KLHL13: variants seen among roughly 807,000 people sequenced by gnomAD.
KLHL13 encodes the protein kelch-like protein 13.
A neutral mutation model predicts 37.1 loss-of-function variants in KLHL13; 10 were observed. That is an observed-to-expected ratio of 0.27 (90% CI 0.17 to 0.46). The LOEUF is 0.46. Among genes scored for constraint, KLHL13 ranks in the 20% least tolerant of loss-of-function variants. The probability of loss-of-function intolerance (pLI) is 1.00; values close to 1 mark genes in which losing one functional copy is unlikely to be tolerated. For synonymous variants in KLHL13, 163 were observed against 181.2 expected (o/e 0.90, Z 0.81); for missense variants, 360 against 509.3 (o/e 0.71, Z 2.82).
At chrX:118,000,902 A>C (rs755685509) in intron 1 of KLHL13, among the ~76,000 whole-genome samples, 10 of 112,047 alleles carry the variant, frequency 8.9e-5, no homozygotes, top group African/African-American at 3.2e-4. Flanking sequence ...CCTTTCTAAA[A>C]TCCAAAAAGA....
At chrX:117,983,775 T>C (rs1389144727) in intron 1 of KLHL13, among the ~76,000 whole-genome samples, 1 of 111,891 alleles carries the variant, frequency 8.9e-6, no homozygotes, top group Non-Finnish European at 1.9e-5. Flanking sequence ...GCTTTCTTAA[T>C]GTCTCAGAAA....
chrX:118,060,990 CT>C (rs1413317343), intron 1 of KLHL13, among the ~76,000 whole-genome samples: 1 of 110,712 alleles, frequency 9.0e-6, no homozygotes, highest in Non-Finnish European at 1.9e-5. Flanking sequence ...GAATTAGAGT[CT>C]ACCATGAAAT....
chrX:118,105,436 T>C (rs1198254715), intron 1 of KLHL13, among the ~76,000 whole-genome samples: 2 of 112,739 alleles, frequency 1.8e-5, no homozygotes, highest in Non-Finnish European at 3.7e-5. Context: ...ATGCCTCAGT[T>C]TCCTCATCTG....
intron 2 of KLHL13, among the ~76,000 whole-genome samples, chrX:117,938,719 C>A (rs1932892522): frequency 9.0e-6 from 1 of 111,116 alleles, no homozygotes; most frequent in Non-Finnish European, 1.9e-5. Flanking sequence ...TGAGGTATTT[C>A]TTATTTTTCT....
intron 1 of KLHL13, among the ~76,000 whole-genome samples, chrX:118,039,817 G>A (rs1262283901): frequency 9.0e-6 from 1 of 111,519 alleles, no homozygotes; most frequent in Non-Finnish European, 1.9e-5. Context: ...GTGGGACCCA[G>A]TGCAGTCCCA....
rs763813610 is a variant in KLHL13, at chrX:117,963,144, T to C, written c.98+9587A>G. On this transcript the variant is annotated intron_variant, in intron 1 of 6. Coordinates refer to ENST00000262820, the Ensembl canonical transcript of KLHL13. ...AAGTTACTTCATTACTCCATTGAAC[T>C]ATATTATAAGAAATCCTCTCCAACA... is the stretch of plus-strand genomic sequence containing the variant. 2.3e-4 allele frequency among the ~76,000 whole-genome samples: 26 copies of C among 112,020 alleles called. No homozygotes were observed. In the Middle Eastern group the frequency reaches 0.014, roughly 60 times the overall value.
At chrX:117,958,269 A>G (rs184638360) in intron 1 of KLHL13, among the ~76,000 whole-genome samples, 185 of 111,705 alleles carry the variant, frequency 1.7e-3, no homozygotes, top group Non-Finnish European at 3.2e-3. Flanking sequence ...TTTATAAATT[A>G]GGTACAGTAA....
At chrX:118,057,520 T>G (rs990558401) in intron 1 of KLHL13, among the ~76,000 whole-genome samples, 4 of 112,330 alleles carry the variant, frequency 3.6e-5, no homozygotes, top group Admixed American at 9.4e-5. Context: ...CACTGGACAT[T>G]ATCAAAAATG....
intron 1 of KLHL13, among the ~76,000 whole-genome samples, chrX:118,051,009 T>A (rs1465674750): frequency 9.0e-6 from 1 of 111,177 alleles, no homozygotes; most frequent in African/African-American, 3.3e-5. Context: ...TAAAAATTAA[T>A]GATTTATAGG....
At chrX:118,072,550 A>G (rs1188957564) in intron 1 of KLHL13, among the ~76,000 whole-genome samples, 2 of 111,285 alleles carry the variant, frequency 1.8e-5, no homozygotes, top group African/African-American at 6.5e-5. Context: ...GGCAACCTAC[A>G]AAATGGGAGG....
intron 1 of KLHL13, among the ~76,000 whole-genome samples, chrX:118,029,827 G>T (rs1472589986): frequency 1.8e-5 from 2 of 109,930 alleles, no homozygotes; most frequent in Non-Finnish European, 3.8e-5. Context: ...AATTAGCTGG[G>T]CATGGTGGTA....
In KLHL13 at chrX:118,021,782, T is replaced by C. The variant is rs747096891; in HGVS notation, c.-55-76207A>G. ...ATAGGATGGCTGGGTCAAATGGCAT[T>C]TCTGGTTCTAGATCCTTGAGGAATC... On this transcript the variant is annotated intron_variant, in intron 1 of 6. Transcript: ENST00000371882. 6.3e-5 allele frequency among the ~76,000 whole-genome samples: 7 copies of C among 111,662 alleles called. No homozygotes were observed. In the East Asian group the frequency reaches 2.0e-3, roughly 32 times the overall value.
upstream of KLHL13, among the ~76,000 whole-genome samples, chrX:117,978,151 A>C (rs1340601293): frequency 8.9e-6 from 1 of 112,632 alleles, no homozygotes; most frequent in Non-Finnish European, 1.9e-5. Flanking sequence ...AAGAATCTAC[A>C]AAGACATTCC....
At chrX:117,963,783 C>G (rs866484685) in intron 1 of KLHL13, among the ~76,000 whole-genome samples, 1 of 103,696 alleles carries the variant, frequency 9.6e-6, no homozygotes, top group East Asian at 3.1e-4. Flanking sequence ...GATGATATCT[C>G]ATAGTGGTTT....
chrX:117,960,446 A>G (rs2053276404), intron 1 of KLHL13, among the ~76,000 whole-genome samples: 1 of 110,742 alleles, frequency 9.0e-6, no homozygotes, highest in Admixed American at 9.6e-5. Context: ...CTGTTATTTA[A>G]CTGTTCTTAT....
At chrX:117,913,608 G>A (rs1233202430) in intron 4 of KLHL13, among the ~76,000 whole-genome samples, 1 of 112,041 alleles carries the variant, frequency 8.9e-6, no homozygotes, top group Non-Finnish European at 1.9e-5. Flanking sequence ...CACTTTGAGA[G>A]GCCTTGGTGG....
At chrX:117,977,355 T>C (rs1169823424), upstream of KLHL13, among the ~76,000 whole-genome samples, 1 of 111,834 alleles carries the variant, frequency 8.9e-6, no homozygotes, top group African/African-American at 3.2e-5. Context: ...ATATTGCCAA[T>C]ACTCTGATTT....
At chrX:117,930,491 T>C in intron 2 of KLHL13, among the ~76,000 whole-genome samples, 1 of 112,127 alleles carries the variant, frequency 8.9e-6, no homozygotes. Context: ...CAAACTGTAT[T>C]ACTGTATACT....
chrX:118,067,262 G>C (rs906315999), intron 1 of KLHL13, among the ~76,000 whole-genome samples: 3 of 111,505 alleles, frequency 2.7e-5, no homozygotes, highest in African/African-American at 9.8e-5. Context: ...TAAAAATACA[G>C]TATAAAAGAT....
Sources: gnomAD v4.1 joint callset for allele counts (sites outside exome capture counted in the v4.1 genomes callset) on GRCh38, gnomAD v4.1.1 for gene constraint, MANE v1.5 for transcripts, NCBI Gene and HGNC (gene_info 2026-07-23, HGNC 2026-07-21) for gene names.